The following SLC71A2 variants were observed in gnomAD, a reference collection of about 807,000 sequenced individuals.
SLC71A2 encodes hippocampus abundant transcript-like 1.
At chr9:94,455,194 G>T in the SLC71A2 span, among the ~76,000 whole-genome samples, 1 of 87,860 alleles carries the variant, frequency 1.1e-5, no homozygotes, top group East Asian at 2.3e-4. Flanking sequence ...GAGAGAGAGG[G>T]TCTGGCTGTG....
At chr9:94,455,286 A>AGCTTC in the SLC71A2 span, among the ~76,000 whole-genome samples, 1 of 147,472 alleles carries the variant, frequency 6.8e-6, no homozygotes, top group African/African-American at 2.5e-5. Flanking sequence ...CTCCCATCTC[A>AGCTTC]GCTTCCTGAG....
chr9:94,425,829 C>T, the SLC71A2 span, among the ~76,000 whole-genome samples: 3 of 152,104 alleles, frequency 2.0e-5, no homozygotes, highest in Admixed American at 6.6e-5. Flanking sequence ...CTAAGTTTCT[C>T]CCAAAGTTCA....
the SLC71A2 span, among the ~76,000 whole-genome samples, chr9:94,418,303 T>TTGTTCA: frequency 2.2e-3 from 339 of 152,354 alleles, 1 homozygote; most frequent in African/African-American, 7.7e-3. Context: ...GTTTCTTTCT[T>TTGTTCA]TGTTCATCTT....
the SLC71A2 span, among the ~76,000 whole-genome samples, chr9:94,419,463 T>G: frequency 6.6e-6 from 1 of 151,650 alleles, no homozygotes; most frequent in Non-Finnish European, 1.5e-5. Flanking sequence ...CTGGCTCTTT[T>G]TTTTTGTTTT....
chr9:94,418,352 G>T, the SLC71A2 span, among the ~76,000 whole-genome samples: 1 of 151,930 alleles, frequency 6.6e-6, no homozygotes, highest in Non-Finnish European at 1.5e-5. Context: ...TTGTTGATTT[G>T]GATTACCAAA....
At chr9:94,440,658 A>G in the SLC71A2 span, among the ~76,000 whole-genome samples, 1 of 152,054 alleles carries the variant, frequency 6.6e-6, no homozygotes, top group East Asian at 1.9e-4. Context: ...TTCCTTACTT[A>G]CAGCTAGGAT....
chr9:94,440,682 T>C, the SLC71A2 span, among the ~76,000 whole-genome samples: 1 of 152,148 alleles, frequency 6.6e-6, no homozygotes, highest in Non-Finnish European at 1.5e-5. Context: ...TGAGAAGTTT[T>C]TTTTCTGTCT....
chr9:94,460,976 G>C, the SLC71A2 span: 5 of 151,474 alleles, frequency 3.3e-5, no homozygotes, highest in African/African-American at 1.2e-4. Flanking sequence ...TTCTCTGTTG[G>C]GTGGCTTTCA....
At chr9:94,377,096 GT>G in the SLC71A2 span, among the ~76,000 whole-genome samples, 1 of 147,204 alleles carries the variant, frequency 6.8e-6, no homozygotes, top group African/African-American at 2.5e-5. Context: ...AGGTAGCAGT[GT>G]TTTTCTGAGT....
At chr9:94,375,182 G>A in the SLC71A2 span, among the ~76,000 whole-genome samples, 1 of 152,020 alleles carries the variant, frequency 6.6e-6, no homozygotes, top group African/African-American at 2.4e-5. Context: ...GTAGTAATTT[G>A]GTTATTTCGG....
the SLC71A2 span, among the ~76,000 whole-genome samples, chr9:94,434,402 C>T: frequency 2.0e-5 from 3 of 152,276 alleles, no homozygotes; most frequent in East Asian, 3.9e-4. Flanking sequence ...TGCAACTCCC[C>T]GCTGTCCGGG....
At chr9:94,434,149 G>A in the SLC71A2 span, among the ~76,000 whole-genome samples, 27 of 152,200 alleles carry the variant, frequency 1.8e-4, no homozygotes, top group African/African-American at 5.1e-4. Flanking sequence ...TTTAAATTTA[G>A]CAAAAAATAT....
At chr9:94,456,329 A>G in the SLC71A2 span, 6 of 1,613,768 alleles carry the variant, frequency 3.7e-6, no homozygotes, top group Non-Finnish European at 5.1e-6. Context: ...GCAGAGTCAG[A>G]TCAGCAAGGT....
the SLC71A2 span, chr9:94,447,084 A>C: frequency 5.6e-6 from 3 of 539,382 alleles, no homozygotes; most frequent in Non-Finnish European, 9.9e-6. Flanking sequence ...TATAATTAGT[A>C]AACAGGGCAC....
chr9:94,441,107 A>G, the SLC71A2 span: 1 of 1,428,858 alleles, frequency 7.0e-7, no homozygotes, highest in South Asian at 1.2e-5. Flanking sequence ...TGGGTAAGAT[A>G]ATAGACTATA....
the SLC71A2 span, chr9:94,458,230 G>T: frequency 3.6e-6 from 4 of 1,103,302 alleles, no homozygotes; most frequent in South Asian, 5.0e-5. Flanking sequence ...TGCCGAATTA[G>T]TGTATCATGG....
chr9:94,431,841 A>G, the SLC71A2 span, among the ~76,000 whole-genome samples: 1 of 152,174 alleles, frequency 6.6e-6, no homozygotes, highest in Non-Finnish European at 1.5e-5. Flanking sequence ...CACTAGCTCC[A>G]CTGGTTCAGA....
chr9:94,409,054 C>A, the SLC71A2 span, among the ~76,000 whole-genome samples: 1 of 150,064 alleles, frequency 6.7e-6, no homozygotes, highest in Non-Finnish European at 1.5e-5. Context: ...AGGATGGTCT[C>A]GACCTCCTGA....
chr9:94,392,365 C>T, the SLC71A2 span, among the ~76,000 whole-genome samples: 4 of 151,454 alleles, frequency 2.6e-5, 1 homozygote, highest in South Asian at 6.3e-4. Context: ...AACTGTGGCT[C>T]CACCCTGACT....
Sources: gnomAD v4.1 joint callset for allele counts (sites outside exome capture counted in the v4.1 genomes callset) on GRCh38, gnomAD v4.1.1 for gene constraint, MANE v1.5 for transcripts, NCBI Gene and HGNC (gene_info 2026-07-23, HGNC 2026-07-21) for gene names.